Variants in CDH18 observed in about 807,000 individuals in gnomAD.
CDH18 encodes cadherin-18.
In CDH18, 31 loss-of-function variants were observed where a neutral mutation model predicts 67.9. That is an observed-to-expected ratio of 0.46 (90% confidence interval 0.34 to 0.62). CDH18 has a LOEUF of 0.62. CDH18 is among the 20% of genes least tolerant of loss of function. The pLI is 0.01. For missense variants in CDH18, 890 were observed against 975.5 expected (o/e 0.91, Z 1.17); for synonymous variants, 362 against 347.2 (o/e 1.04, Z -0.48).
chr5:20,328,431 A>G (rs1390091634), intron 1 of CDH18, among the ~76,000 whole-genome samples: 2 of 151,482 alleles, frequency 1.3e-5, no homozygotes, highest in African/African-American at 4.8e-5. Flanking sequence ...TGACAAGATG[A>G]AAGAATCGGG....
chr5:19,736,132 C>T (rs576337930), intron 4 of CDH18, among the ~76,000 whole-genome samples: 3 of 152,112 alleles, frequency 2.0e-5, no homozygotes, highest in Non-Finnish European at 4.4e-5. Context: ...TATTAAGATA[C>T]AACACAAGAA....
chr5:20,268,656 A>C (rs947660618), intron 1 of CDH18, among the ~76,000 whole-genome samples: 1 of 152,116 alleles, frequency 6.6e-6, no homozygotes, highest in Non-Finnish European at 1.5e-5. Context: ...GTCCAGAAGG[A>C]TGAGGCTTCA....
At chr5:20,508,343 ATATATATAT>A (rs2126473025) in intron 1 of CDH18, among the ~76,000 whole-genome samples, 1 of 48,658 alleles carries the variant, frequency 2.1e-5, no homozygotes, top group African/African-American at 4.7e-5. Context: ...ATATATATAT[ATATATATAT>A]ATATATATAT....
intron 2 of CDH18, among the ~76,000 whole-genome samples, chr5:20,151,846 G>A (rs1478596066): frequency 6.6e-6 from 1 of 151,566 alleles, no homozygotes; most frequent in African/African-American, 2.4e-5. Flanking sequence ...AATCATCACT[G>A]GAAATATAAT....
intron 10 of CDH18, among the ~76,000 whole-genome samples, chr5:19,509,413 A>T (rs916171564): frequency 1.3e-5 from 2 of 152,112 alleles, no homozygotes. Flanking sequence ...CCATGTAAAA[A>T]AATGCCCATG....
At chr5:19,800,055 T>G (rs1777289859) in intron 3 of CDH18, among the ~76,000 whole-genome samples, 1 of 152,174 alleles carries the variant, frequency 6.6e-6, no homozygotes, top group Non-Finnish European at 1.5e-5. Context: ...AATAGATAGT[T>G]CAATAAGATC....
At chr5:20,082,356 A>C (rs1176419495) in intron 2 of CDH18, among the ~76,000 whole-genome samples, 1 of 152,222 alleles carries the variant, frequency 6.6e-6, no homozygotes, top group Admixed American at 6.5e-5. Context: ...TTGCACTAAA[A>C]GTAATGGTGA....
intron 2 of CDH18, among the ~76,000 whole-genome samples, chr5:20,241,106 C>T (rs983431815): frequency 1.3e-5 from 2 of 152,130 alleles, no homozygotes; most frequent in Non-Finnish European, 2.9e-5. Context: ...CAGTCTTCCT[C>T]TGTGTAATGG....
intron 1 of CDH18, among the ~76,000 whole-genome samples, chr5:20,389,016 G>A (rs1477708959): frequency 6.6e-6 from 1 of 152,076 alleles, no homozygotes; most frequent in Admixed American, 6.6e-5. Flanking sequence ...TGCTGAGAAG[G>A]ATGTACATTC....
At chr5:20,064,580 A>G (rs1005050075) in intron 2 of CDH18, among the ~76,000 whole-genome samples, 1 of 152,106 alleles carries the variant, frequency 6.6e-6, no homozygotes, top group Non-Finnish European at 1.5e-5. Context: ...GACTGAGTTT[A>G]TAAGTTTTGT....
intron 1 of CDH18, among the ~76,000 whole-genome samples, chr5:20,294,269 G>T (rs531424022): frequency 1.3e-5 from 2 of 152,228 alleles, no homozygotes; most frequent in East Asian, 3.9e-4. Context: ...CCCATAAAAG[G>T]TCATTATCAA....
chr5:19,767,047 T>G (rs1407583631), intron 3 of CDH18, among the ~76,000 whole-genome samples: 1 of 151,776 alleles, frequency 6.6e-6, no homozygotes, highest in African/African-American at 2.4e-5. Flanking sequence ...ATTGAAAATT[T>G]TATTATTAAT....
chr5:19,897,964 T>A (rs1190010956), intron 2 of CDH18, among the ~76,000 whole-genome samples: 5 of 152,046 alleles, frequency 3.3e-5, no homozygotes, highest in African/African-American at 1.2e-4. Flanking sequence ...ATGGGTGAGT[T>A]CACTCCATGA....
chr5:19,708,200 T>C (rs911234954), intron 5 of CDH18, among the ~76,000 whole-genome samples: 2 of 152,122 alleles, frequency 1.3e-5, no homozygotes, highest in African/African-American at 4.8e-5. Context: ...AAAGAACAAA[T>C]ATTTAAAGCA....
rs369543242 is a variant in CDH18, at chr5:19,483,328, T to C, written c.1855A>G (p.Ile619Val). The part of the protein sequence containing the change: ...AGLSTGALIA[I>V]LLCVLILLAI... ...AGGAGAATGAGAACACAGAGAAGAA[T>C]AGCGATTAAGGCTCCTGTACTCAAA... is the stretch of plus-strand genomic sequence containing the variant. The change falls in exon 12 of 13, where the codon ATT (isoleucine) becomes GTT (valine). Residue 619 changes from isoleucine (I) to valine (V), a missense_variant. Transcript: ENST00000382275. 1.1e-5 allele frequency: 17 copies of C among 1,613,764 alleles called. No individual in the cohort carries two copies. The highest frequency in any genetic ancestry group is 8.9e-5 in the East Asian group (4 of 44,864).
At chr5:19,662,707 T>C (rs950114638) in intron 5 of CDH18, among the ~76,000 whole-genome samples, 3 of 152,066 alleles carry the variant, frequency 2.0e-5, no homozygotes, top group African/African-American at 4.8e-5. Context: ...GCAGTAATTA[T>C]GAGCTTTTCT....
Position 19,921,358 on chromosome 5 carries a change from T to C in CDH18, c.-257+59702A>G, listed in dbSNP as rs13177710. On this transcript the variant is annotated intron_variant, in intron 2 of 12. Transcript: ENST00000382275. ...TATCCTGGCTAACACAGTGAAACCC[T>C]GTCTCTACTAAAAATACAAATAATT... is the stretch of plus-strand genomic sequence containing the variant. Among the ~76,000 whole-genome samples the C allele has an allele frequency of 4.7e-3, 720 of 152,054 alleles. 3 individuals carry two copies. The highest frequency in any genetic ancestry group is 9.4e-3 in the Admixed American group (144 of 15,260).
chr5:19,733,242 C>T (rs1767856528), intron 4 of CDH18, among the ~76,000 whole-genome samples: 1 of 152,210 alleles, frequency 6.6e-6, no homozygotes, highest in South Asian at 2.1e-4. Flanking sequence ...CTTTGTAGTG[C>T]TTTCCTTTGA....
intron 2 of CDH18, among the ~76,000 whole-genome samples, chr5:19,934,734 T>C (rs1234098633): frequency 6.6e-6 from 1 of 151,512 alleles, no homozygotes; most frequent in Non-Finnish European, 1.5e-5. Flanking sequence ...GGATTGCCTT[T>C]GTTTATAGTT....
Sources: gnomAD v4.1 joint callset for allele counts (sites outside exome capture counted in the v4.1 genomes callset) on GRCh38, gnomAD v4.1.1 for gene constraint, MANE v1.5 for transcripts, NCBI Gene and HGNC (gene_info 2026-07-23, HGNC 2026-07-21) for gene names.